TMPRSS4: variants seen among roughly 807,000 people sequenced by gnomAD.
TMPRSS4 encodes transmembrane protease serine 4.
In TMPRSS4, 45 loss-of-function variants were observed where a neutral mutation model predicts 56.4. The ratio of observed to expected loss-of-function variants is 0.80; its 90% CI spans 0.63 to 1.02. The LOEUF is 1.02. Ranked by LOEUF, TMPRSS4 falls within the 50% of genes least tolerant of loss-of-function variation. TMPRSS4 has a pLI of 0.00. For missense variants in TMPRSS4, 546 were observed against 556.7 expected, an observed-to-expected ratio of 0.98 and a Z score of 0.19; for synonymous variants, 205 against 211.0, an observed-to-expected ratio of 0.97 and a Z score of 0.25.
chr11:118,099,161 C>A, intron 3 of TMPRSS4, 63 bp downstream of exon 3: 1 of 1,343,000 alleles, frequency 7.4e-7, no homozygotes, highest in South Asian at 1.2e-5. Flanking sequence ...AACCCCCACC[C>A]CCGCACTCAC....
chr11:118,124,386 C>T (rs577445881), downstream of TMPRSS4, among the ~76,000 whole-genome samples: 183 of 151,278 alleles, frequency 1.2e-3, 1 homozygote, highest in African/African-American at 4.2e-3. Context: ...TCCATCTCAA[C>T]AAAAAACAAA....
chr11:118,102,047 G>T (rs1038735947), intron 3 of TMPRSS4, among the ~76,000 whole-genome samples: 1 of 151,680 alleles, frequency 6.6e-6, no homozygotes, highest in Non-Finnish European at 1.5e-5. Flanking sequence ...GGATGTGCAG[G>T]TTTGTTACGT....
At position 118,119,304 on chromosome 11, in the gene TMPRSS4, C is replaced by G; in HGVS notation, c.*1391C>G. On this transcript the variant is annotated 3_prime_UTR_variant, in exon 13 of 13. Transcript: ENST00000437212. Reference sequence around the variant, plus strand: ...AAGACAAGGGAGCTGAACCAGGGCTCCTACATGAAGCAGGGATAACTGATG... The same window carrying G: ...AAGACAAGGGAGCTGAACCAGGGCTGCTACATGAAGCAGGGATAACTGATG... The G allele has an allele frequency of 4.1e-6, 4 of 985,356 alleles. No homozygotes were observed. The highest frequency in any genetic ancestry group is 4.8e-6 in the Non-Finnish European group (4 of 829,928). 61.0% of individuals were successfully genotyped at this position (985,356 alleles called of 1,614,324 possible).
chr11:118,084,639 T>C (rs1945403853), intron 1 of TMPRSS4, among the ~76,000 whole-genome samples: 1 of 152,216 alleles, frequency 6.6e-6, no homozygotes, highest in Non-Finnish European at 1.5e-5. Context: ...TGAACATGTG[T>C]GGAGTTCTGC....
chr11:118,125,259 G>C (rs1947865928), downstream of TMPRSS4: 1 of 456,594 alleles, frequency 2.2e-6, no homozygotes, highest in Non-Finnish European at 4.4e-6. Flanking sequence ...AGACAGGAAG[G>C]AGCCAGCAGA....
intron 2 of TMPRSS4, among the ~76,000 whole-genome samples, chr11:118,096,985 AAAGAAAG>A (rs1946401533): frequency 9.1e-6 from 1 of 110,294 alleles, no homozygotes; most frequent in African/African-American, 4.1e-5. Flanking sequence ...AGAAAGAAAG[AAAGAAAG>A]AAAGAAAGAA....
chr11:118,109,960 G>C (rs952595069), intron 7 of TMPRSS4, among the ~76,000 whole-genome samples: 3 of 152,338 alleles, frequency 2.0e-5, no homozygotes, highest in African/African-American at 7.2e-5. Flanking sequence ...AGCAGCATAA[G>C]TGACAGGTCC....
intron 11 of TMPRSS4, among the ~76,000 whole-genome samples, chr11:118,116,253 C>T (rs1947541349): frequency 6.6e-6 from 1 of 152,116 alleles, no homozygotes; most frequent in African/African-American, 2.4e-5. Flanking sequence ...CGTGCTTGGC[C>T]TGAACCATTT....
intron 1 of TMPRSS4, among the ~76,000 whole-genome samples, chr11:118,094,531 T>A (rs1946180980): frequency 6.6e-6 from 1 of 152,166 alleles, no homozygotes; most frequent in Non-Finnish European, 1.5e-5. Flanking sequence ...AGCAGAATCA[T>A]CTTGAGGAAT....
At chr11:118,078,844 C>T (rs1944901007) in intron 1 of TMPRSS4, among the ~76,000 whole-genome samples, 1 of 152,138 alleles carries the variant, frequency 6.6e-6, no homozygotes, top group South Asian at 2.1e-4. Context: ...CCCACGGAAA[C>T]GATATGACCC....
At chr11:118,111,956 G>T in intron 8 of TMPRSS4, 56 bp downstream of exon 8, 1 of 1,574,462 alleles carries the variant, frequency 6.4e-7, no homozygotes, top group South Asian at 1.2e-5. Context: ...AGGGACCAGA[G>T]AGCTTGGGGT....
intron 4 of TMPRSS4, 22 bp from the exon 5 acceptor site, chr11:118,104,669 A>T: frequency 6.2e-7 from 1 of 1,613,976 alleles, no homozygotes; most frequent in South Asian, 1.1e-5. Flanking sequence ...GTTCCATCTA[A>T]CTCAGGTTCC....
At chr11:118,097,152 G>A (rs2135370274) in intron 2 of TMPRSS4, among the ~76,000 whole-genome samples, 1 of 150,414 alleles carries the variant, frequency 6.6e-6, no homozygotes, top group Admixed American at 6.7e-5. Context: ...AGCAATTGCT[G>A]TGGACCAAGC....
At chr11:118,123,725 C>T (rs1947839654), downstream of TMPRSS4, among the ~76,000 whole-genome samples, 1 of 152,054 alleles carries the variant, frequency 6.6e-6, no homozygotes, top group Non-Finnish European at 1.5e-5. Flanking sequence ...GGGGTTTCAC[C>T]TTGTTAGCCA....
At chr11:118,086,402 C>A (rs545236807) in intron 1 of TMPRSS4, among the ~76,000 whole-genome samples, 1 of 152,346 alleles carries the variant, frequency 6.6e-6, no homozygotes, top group South Asian at 2.1e-4. Context: ...TGGTTTAGAA[C>A]AAGGCAAAAT....
In TMPRSS4 at chr11:118,084,236, A is replaced by G. The variant is rs546521321; in HGVS notation, c.3+6931A>G. Among the ~76,000 whole-genome samples the G allele has an allele frequency of 4.6e-5, 7 of 152,286 alleles. No homozygotes were observed. The South Asian group carries it at 1.5e-3, about 32-fold the overall frequency. The stretch of plus-strand genomic sequence containing the variant: ...TAAAGCCTCAGGCCAATGAGCAAAC[A>G]GGATTCAGACCTAGGCTGCAGGATT... On this transcript the variant is annotated intron_variant, in intron 1 of 12. Transcript: ENST00000437212.
rs369870051 is a variant in TMPRSS4 at position 118,089,496 on chromosome 11, G to C, written c.4-5320G>C. Among the ~76,000 whole-genome samples, 83 of 152,226 alleles carry C rather than the reference G, an allele frequency of 5.5e-4. 1 individual carries two copies. Among genetic ancestry groups the C allele is most frequent in the African/African-American group, 1.9e-3 (80 of 41,520 alleles). The stretch of plus-strand genomic sequence containing the variant: ...CTATTGGTCCATGCAGGGCCCATTT[G>C]TAACTTGCTAGTTAGTTGGATTTAA... On this transcript the variant is annotated intron_variant, in intron 1 of 12. Coordinates refer to ENST00000437212, the MANE Select transcript of TMPRSS4 (RefSeq NM_019894.4).
chr11:118,090,531 C>T (rs1262415516), intron 1 of TMPRSS4, among the ~76,000 whole-genome samples: 2 of 150,770 alleles, frequency 1.3e-5, no homozygotes, highest in East Asian at 3.9e-4. Context: ...AATCCCAGAA[C>T]TTTGGGAGGC....
In TMPRSS4 at chr11:118,089,078, C is replaced by A. The variant is rs1187402754; in HGVS notation, c.4-5738C>A. On this transcript the variant is annotated intron_variant, in intron 1 of 12. Transcript: ENST00000437212. ...CTGGGCTCAGAGGAGATGCAGCTGG[C>A]CATAAGTCCCTATTTCTATCCTGCT... Among the ~76,000 whole-genome samples, 3 of 152,108 alleles carry A rather than the reference C, an allele frequency of 2.0e-5. No homozygotes were observed. The East Asian group carries it at 5.8e-4, about 29-fold the overall frequency.
Sources: gnomAD v4.1 joint callset for allele counts (sites outside exome capture counted in the v4.1 genomes callset) on GRCh38, gnomAD v4.1.1 for gene constraint, MANE v1.5 for transcripts, NCBI Gene and HGNC (gene_info 2026-07-23, HGNC 2026-07-21) for gene names.